TBX15: variants seen among roughly 807,000 people sequenced by gnomAD.
TBX15 encodes T-box transcription factor 15.
In TBX15, 18 loss-of-function variants were observed where a neutral mutation model predicts 53.9. That is an observed-to-expected ratio of 0.33 (90% CI 0.23 to 0.49). TBX15 has a LOEUF of 0.49. Ranked by LOEUF, TBX15 falls within the 20% of genes least tolerant of loss-of-function variation. The pLI is 0.98. For synonymous variants in TBX15, 295 were observed against 278.0 expected (o/e 1.06, Z -0.61); for missense variants, 692 against 749.5 (o/e 0.92, Z 0.90).
chr1:118,908,759 C>T (rs1022969772), intron 6 of TBX15, among the ~76,000 whole-genome samples: 3 of 151,912 alleles, frequency 2.0e-5, no homozygotes, highest in African/African-American at 7.3e-5. Flanking sequence ...CTCTCTCTCT[C>T]TCTCACACAC....
At chr1:118,969,768 A>G (rs976172159) in intron 1 of TBX15, among the ~76,000 whole-genome samples, 1 of 152,356 alleles carries the variant, frequency 6.6e-6, no homozygotes, top group Admixed American at 6.5e-5. Flanking sequence ...CTAGAGAAAG[A>G]TAGACTAGGT....
chr1:118,914,966 C>T (rs1182579756), intron 5 of TBX15, among the ~76,000 whole-genome samples: 2 of 152,198 alleles, frequency 1.3e-5, no homozygotes, highest in East Asian at 3.8e-4. Flanking sequence ...TCAACCCCCA[C>T]TCAATGCATA....
At chr1:118,945,307 T>C (rs1161889693) in intron 1 of TBX15, among the ~76,000 whole-genome samples, 1 of 152,050 alleles carries the variant, frequency 6.6e-6, no homozygotes, top group Non-Finnish European at 1.5e-5. Context: ...CATACTACAG[T>C]CCCCCCAAAA....
chr1:118,983,809 C>G (rs1657725253), intron 1 of TBX15, among the ~76,000 whole-genome samples: 1 of 152,142 alleles, frequency 6.6e-6, no homozygotes, highest in African/African-American at 2.4e-5. Context: ...AACACCCTGT[C>G]CCTGCGGTCT....
intron 1 of TBX15, among the ~76,000 whole-genome samples, chr1:118,943,258 A>G (rs1036306548): frequency 1.3e-5 from 2 of 152,226 alleles, no homozygotes; most frequent in Non-Finnish European, 2.9e-5. Context: ...TTTCAAATGA[A>G]TAAATGCAAA....
chr1:118,900,933 C>T (rs971569854), intron 6 of TBX15, among the ~76,000 whole-genome samples: 5 of 152,120 alleles, frequency 3.3e-5, no homozygotes, highest in African/African-American at 1.2e-4. Flanking sequence ...TATTGTTCCA[C>T]CTCCTAGTTC....
chr1:118,964,575 T>C (rs549473188), intron 1 of TBX15, among the ~76,000 whole-genome samples: 1 of 152,382 alleles, frequency 6.6e-6, no homozygotes, highest in South Asian at 2.1e-4. Flanking sequence ...TTATCCTTTC[T>C]GCCTAGATTG....
At position 118,920,340 on chromosome 1, in the gene TBX15, G is replaced by A. The variant is rs564330999; in HGVS notation, c.861+3096C>T. 2.2e-4 allele frequency among the ~76,000 whole-genome samples: 33 copies of A among 152,212 alleles called. No individual in the cohort carries two copies. The South Asian group carries it at 5.0e-3, about 23-fold the overall frequency. ...AAAGGAAAGGAAGTGGTAGGGAATG[G>A]TATTTTCACTGAATTTTTGAAGAGT... is the stretch of plus-strand genomic sequence containing the variant. On this transcript the variant is annotated intron_variant, in intron 5 of 7. Transcript: ENST00000369429.
chr1:118,985,546 G>T (rs910264752), intron 1 of TBX15, among the ~76,000 whole-genome samples: 1 of 152,134 alleles, frequency 6.6e-6, no homozygotes, highest in Non-Finnish European at 1.5e-5. Flanking sequence ...CATTGCGGGG[G>T]CTCCAACTTA....
At chr1:118,980,272 GAGAACGC>G (rs1657603098) in intron 1 of TBX15, among the ~76,000 whole-genome samples, 1 of 152,158 alleles carries the variant, frequency 6.6e-6, no homozygotes, top group Non-Finnish European at 1.5e-5. Flanking sequence ...GGATAGTAAA[GAGAACGC>G]AGCGGTGAGG....
chr1:118,976,244 G>A (rs140411832), intron 1 of TBX15, among the ~76,000 whole-genome samples: 5 of 152,038 alleles, frequency 3.3e-5, no homozygotes, highest in Middle Eastern at 3.4e-3. Context: ...CCTCCTCCCC[G>A]ACATTCAGCT....
At chr1:118,980,762 G>C (rs1165237177) in intron 1 of TBX15, among the ~76,000 whole-genome samples, 1 of 151,882 alleles carries the variant, frequency 6.6e-6, no homozygotes, top group Non-Finnish European at 1.5e-5. Flanking sequence ...AGTTGGAAAA[G>C]TTTCCACTCC....
intron 7 of TBX15, chr1:118,891,063 A>C (rs1292682329): frequency 1.4e-5 from 7 of 485,596 alleles, no homozygotes; most frequent in Non-Finnish European, 2.2e-5. Flanking sequence ...AGCACTGTTC[A>C]TCTCAACAAA....
rs886214893 is a variant in TBX15, at chr1:118,883,439, G to C, written c.*1293C>G. The C allele has an allele frequency of 6.6e-6, 1 of 152,330 alleles. No individual in the cohort carries two copies. Among genetic ancestry groups the C allele is most frequent in the African/African-American group, 2.4e-5 (1 of 41,432 alleles). The allele number at this position is 152,330 out of a possible 1,614,324, so 9.4% of individuals were successfully genotyped here. A position where few individuals can be genotyped will look rare whatever the true frequency, so the allele number is the denominator to read the frequency against. ...TGATAAAAATGGAGATCTAAGGGCA[G>C]GTAGAAGGGTATAGAAGACCCATCT... On this transcript the variant is annotated 3_prime_UTR_variant, in exon 8 of 8. Transcript: ENST00000369429.
chr1:118,952,063 C>A (rs576997467), intron 1 of TBX15, among the ~76,000 whole-genome samples: 2 of 152,216 alleles, frequency 1.3e-5, no homozygotes, highest in East Asian at 3.9e-4. Context: ...CAAAACCAAC[C>A]CCTCCTCTTC....
At chr1:118,969,424 A>C (rs1352849967) in intron 1 of TBX15, among the ~76,000 whole-genome samples, 1 of 152,242 alleles carries the variant, frequency 6.6e-6, no homozygotes, top group Non-Finnish European at 1.5e-5. Context: ...TGAATGAATA[A>C]TGAACTTTCA....
At chr1:118,913,909 C>T (rs1274875146) in intron 6 of TBX15, among the ~76,000 whole-genome samples, 1 of 152,118 alleles carries the variant, frequency 6.6e-6, no homozygotes, top group Non-Finnish European at 1.5e-5. Context: ...GGGAAGAAAA[C>T]AGCATGAGGG....
At chr1:118,902,921 T>C (rs1654682388) in intron 6 of TBX15, among the ~76,000 whole-genome samples, 1 of 152,176 alleles carries the variant, frequency 6.6e-6, no homozygotes, top group Non-Finnish European at 1.5e-5. Flanking sequence ...TAAAAGTGAA[T>C]TCATTGTCTA....
intron 6 of TBX15, among the ~76,000 whole-genome samples, chr1:118,903,301 A>G (rs1466415203): frequency 3.3e-5 from 5 of 152,304 alleles, no homozygotes; most frequent in Non-Finnish European, 4.4e-5. Context: ...GATGGCTTGA[A>G]ATCAATTTAT....
Sources: gnomAD v4.1 joint callset for allele counts (sites outside exome capture counted in the v4.1 genomes callset) on GRCh38, gnomAD v4.1.1 for gene constraint, MANE v1.5 for transcripts, NCBI Gene and HGNC (gene_info 2026-07-23, HGNC 2026-07-21) for gene names.